Variants in FKBP14 observed in about 807,000 individuals in gnomAD.
The protein encoded by FKBP14 is FKBP prolyl isomerase 14, also known as peptidyl-prolyl cis-trans isomerase FKBP14.
Under a neutral mutation model 21.6 loss-of-function variants are expected in FKBP14, and 20 were observed. The observed-to-expected ratio is 0.92, with a 90% confidence interval of 0.65 to 1.34. The LOEUF (loss-of-function observed/expected upper bound fraction) is 1.34. Among genes scored for constraint, FKBP14 ranks in the 40% most tolerant of loss-of-function variants. FKBP14 has a pLI of 0.00. For synonymous variants in FKBP14, 79 were observed against 86.7 expected (o/e 0.91, Z 0.49); for missense variants, 253 against 249.0 (o/e 1.02, Z -0.11).
At chr7:30,021,259 C>G (rs192018367) in intron 2 of FKBP14, among the ~76,000 whole-genome samples, 94 of 152,064 alleles carry the variant, frequency 6.2e-4, no homozygotes, top group African/African-American at 2.0e-3. Context: ...GTATATGTAC[C>G]TTTTCCTATA....
intron 1 of FKBP14, among the ~76,000 whole-genome samples, chr7:30,023,441 A>C (rs113314673): frequency 4.6e-5 from 7 of 152,182 alleles, no homozygotes; most frequent in African/African-American, 1.7e-4. Flanking sequence ...TGCCTTAGCT[A>C]TGGCCTGCTG....
intron 1 of FKBP14, among the ~76,000 whole-genome samples, chr7:30,024,104 T>C (rs1478378689): frequency 7.2e-5 from 11 of 152,164 alleles, no homozygotes; most frequent in Non-Finnish European, 2.9e-5. Context: ...AGGAAAATAT[T>C]CTATTCAAGG....
Position 30,022,807 on chromosome 7 carries a change from A to AT in FKBP14, c.206dup (p.His69GlnfsTer2), listed in dbSNP as rs2127949580. 1.2e-6 allele frequency: 2 copies of AT among 1,612,958 alleles called. No individual in the cohort carries two copies. Among genetic ancestry groups the AT allele is most frequent in the Non-Finnish European group, 1.7e-6 (2 of 1,179,698 alleles). The stretch of plus-strand genomic sequence containing the variant: ...TAAACCAAATGGGCTGACCATTGTT[A>AT]TGTTTGTGACTATGATAGAAATAAA... On this transcript the variant is annotated frameshift_variant, in exon 2 of 4. Coordinates refer to ENST00000222803, the MANE Select transcript of FKBP14 (RefSeq NM_017946.4). LOFTEE classifies it high-confidence loss of function.
intron 3 of FKBP14, among the ~76,000 whole-genome samples, chr7:30,015,867 T>C (rs555531460): frequency 8.3e-4 from 126 of 152,098 alleles, no homozygotes; most frequent in African/African-American, 2.8e-3. Context: ...CCTCGTGATC[T>C]GCCCGCCTCG....
chr7:30,016,613 C>T (rs984297049), intron 3 of FKBP14, among the ~76,000 whole-genome samples: 2 of 151,856 alleles, frequency 1.3e-5, no homozygotes, highest in African/African-American at 2.4e-5. Flanking sequence ...AGGCTGGCCT[C>T]GAACTCCTGA....
downstream of FKBP14, among the ~76,000 whole-genome samples, chr7:30,006,145 G>A (rs56245200): frequency 6.9e-6 from 1 of 145,368 alleles, no homozygotes; most frequent in Non-Finnish European, 1.5e-5. Context: ...TTTTAAGATA[G>A]GGGTCTCCCT....
downstream of FKBP14, among the ~76,000 whole-genome samples, chr7:30,007,340 G>C (rs1789636173): frequency 6.6e-6 from 1 of 151,644 alleles, no homozygotes; most frequent in Non-Finnish European, 1.5e-5. Flanking sequence ...CTCCCAAGTA[G>C]CTGGGACTAC....
At chr7:30,023,665 G>A (rs56002677) in intron 1 of FKBP14, among the ~76,000 whole-genome samples, 2,983 of 152,248 alleles carry the variant, frequency 0.02, 47 homozygotes, top group East Asian at 0.04. Flanking sequence ...TAATGGACTC[G>A]CGGTTCCACA....
At chr7:30,024,024 G>A (rs747757605) in intron 1 of FKBP14, among the ~76,000 whole-genome samples, 6 of 152,066 alleles carry the variant, frequency 3.9e-5, no homozygotes, top group South Asian at 2.1e-4. Flanking sequence ...CCAACCTGCC[G>A]AACTACATAC....
intron 2 of FKBP14, chr7:30,020,447 C>G: frequency 2.9e-6 from 1 of 346,696 alleles, no homozygotes. Context: ...TGGACTAATA[C>G]AACGTACAGT....
At chr7:30,024,760 C>A (rs1421209835) in intron 1 of FKBP14, among the ~76,000 whole-genome samples, 1 of 152,212 alleles carries the variant, frequency 6.6e-6, no homozygotes, top group Non-Finnish European at 1.5e-5. Context: ...ATGGAGGCTG[C>A]ATGATAACAG....
chr7:30,017,998 G>GAAATAAAT (rs56283024), intron 3 of FKBP14, among the ~76,000 whole-genome samples: 45 of 145,864 alleles, frequency 3.1e-4, no homozygotes, highest in East Asian at 1.2e-3. Context: ...TCCCTCTCAG[G>GAAATAAAT]AAATAAATAA....
At chr7:30,010,240 C>A (rs1041769244), downstream of FKBP14, among the ~76,000 whole-genome samples, 3 of 152,162 alleles carry the variant, frequency 2.0e-5, no homozygotes, top group Admixed American at 6.5e-5. Flanking sequence ...ACCTGCTACA[C>A]ACGATAAAAC....
chr7:30,008,571 A>G (rs1297737293), downstream of FKBP14, among the ~76,000 whole-genome samples: 1 of 151,378 alleles, frequency 6.6e-6, no homozygotes, highest in Admixed American at 6.6e-5. Flanking sequence ...AAATACAAAA[A>G]TTAGCTGAGT....
chr7:30,022,642 GA>G (rs1790065195), intron 2 of FKBP14, 22 bp downstream of exon 2: 2 of 1,602,474 alleles, frequency 1.2e-6, no homozygotes, highest in Admixed American at 3.5e-5. Flanking sequence ...GCTATAGTAA[GA>G]AAAATACAGA....
At position 30,013,979 on chromosome 7, in the gene FKBP14, C is replaced by T. The variant is rs1164027105; in HGVS notation, c.*756G>A. 1 of 152,190 alleles carries T rather than the reference C, an allele frequency of 6.6e-6. No homozygotes were observed. Among genetic ancestry groups the T allele is most frequent in the East Asian group, 1.9e-4 (1 of 5,198 alleles). The allele number at this position is 152,190 out of a possible 1,614,324, so 9.4% of individuals were successfully genotyped here. Reference sequence around the variant, plus strand: ...CCGGGTTCAAGTGATTCTGCCGCCTCAGCCTTCCTGGGTAGCTGGGATTAC... The same window carrying T: ...CCGGGTTCAAGTGATTCTGCCGCCTTAGCCTTCCTGGGTAGCTGGGATTAC... On this transcript the variant is annotated 3_prime_UTR_variant, in exon 4 of 4. Coordinates refer to ENST00000222803, the MANE Select transcript of FKBP14 (RefSeq NM_017946.4).
In FKBP14 at chr7:30,012,728, A is replaced by G. The variant is rs1789772804; in HGVS notation, c.*2007T>C. Reference sequence around the variant, plus strand: ...AGGGTTTTTGAGGCAATTCAGAGCTAACTGCAAGATTATGCTATGAAACTG... The same window carrying G: ...AGGGTTTTTGAGGCAATTCAGAGCTGACTGCAAGATTATGCTATGAAACTG... On this transcript the variant is annotated 3_prime_UTR_variant, in exon 4 of 4. Transcript: ENST00000222803. 6.6e-6 allele frequency: 1 copy of G among 152,258 alleles called. No individual in the cohort carries two copies. Among genetic ancestry groups the G allele is most frequent in the Non-Finnish European group, 1.5e-5 (1 of 68,048 alleles). The allele number at this position is 152,258 out of a possible 1,614,324, so 9.4% of individuals were successfully genotyped here.
rs1790075934 is a variant in FKBP14 at position 30,022,954 on chromosome 7, C to T, written c.198-138G>A. 1.1e-5 allele frequency: 7 copies of T among 654,772 alleles called. No homozygotes were observed. In the South Asian group the frequency reaches 1.4e-4, roughly 13 times the overall value. 40.6% of individuals were successfully genotyped at this position (654,772 alleles called of 1,614,324 possible). A position where few individuals can be genotyped will look rare whatever the true frequency, so the allele number is the denominator to read the frequency against. On this transcript the variant is annotated intron_variant, in intron 1 of 3. Transcript: ENST00000222803. ...CAGCAATTCTGTATTTGCACACATACACACACACCTCCAAGTCAAGTTTAT... is the reference window on the plus strand; with the variant it reads ...CAGCAATTCTGTATTTGCACACATATACACACACCTCCAAGTCAAGTTTAT...
At chr7:30,025,044 A>G (rs1267897331) in intron 1 of FKBP14, among the ~76,000 whole-genome samples, 2 of 152,214 alleles carry the variant, frequency 1.3e-5, no homozygotes, top group East Asian at 1.9e-4. Flanking sequence ...CAGGGCTAAC[A>G]GTTTAGAGAA....
Sources: gnomAD v4.1 joint callset for allele counts (sites outside exome capture counted in the v4.1 genomes callset) on GRCh38, gnomAD v4.1.1 for gene constraint, MANE v1.5 for transcripts, NCBI Gene and HGNC (gene_info 2026-07-23, HGNC 2026-07-21) for gene names.